Variants in LHPP observed in about 807,000 individuals in gnomAD.
LHPP encodes hLHPP.
A neutral mutation model predicts 30.3 loss-of-function variants in LHPP; 24 were observed. The ratio of observed to expected loss-of-function variants is 0.79; its 90% CI spans 0.57 to 1.11. The LOEUF is 1.11. LHPP is among the 50% of genes most tolerant of loss of function. The probability of loss-of-function intolerance (pLI) is 0.00; values close to 1 mark genes in which losing one functional copy is unlikely to be tolerated. For synonymous variants in LHPP, 150 were observed against 157.1 expected (o/e 0.95, Z 0.34); for missense variants, 356 against 367.2 (o/e 0.97, Z 0.25).
chr10:124,580,331 C>T (rs984696228), intron 6 of LHPP, among the ~76,000 whole-genome samples: 1 of 152,148 alleles, frequency 6.6e-6, no homozygotes, highest in African/African-American at 2.4e-5. Context: ...GAAATTCATC[C>T]CTCTCCTTGT....
At chr10:124,584,870 C>T (rs1036482930) in intron 6 of LHPP, among the ~76,000 whole-genome samples, 13 of 149,988 alleles carry the variant, frequency 8.7e-5, no homozygotes, top group African/African-American at 3.0e-4. Context: ...ACTAACATGA[C>T]AGCAACAGTG....
intron 6 of LHPP, among the ~76,000 whole-genome samples, chr10:124,583,243 C>G (rs1948763620): frequency 6.6e-6 from 1 of 152,004 alleles, no homozygotes; most frequent in African/African-American, 2.4e-5. Flanking sequence ...GTAGATTTAC[C>G]CCTGTGTTTT....
chr10:124,518,192 G>A (rs1954510291), intron 6 of LHPP, among the ~76,000 whole-genome samples: 1 of 152,190 alleles, frequency 6.6e-6, no homozygotes, highest in African/African-American at 2.4e-5. Context: ...CAGGAAGTTG[G>A]TCCCTTCCAG....
intron 1 of LHPP, among the ~76,000 whole-genome samples, chr10:124,470,678 C>CAACAAT (rs1280168728): frequency 8.8e-6 from 1 of 114,266 alleles, no homozygotes; most frequent in Non-Finnish European, 2.0e-5. Context: ...ACAACAACAA[C>CAACAAT]AACAATAATA....
rs116657229 is a variant in LHPP, at chr10:124,528,208, G to A, written c.716+10937G>A. 3.5e-3 allele frequency among the ~76,000 whole-genome samples: 529 copies of A among 152,250 alleles called. 2 individuals carry two copies. The highest frequency in any genetic ancestry group is 0.012 in the African/African-American group (495 of 41,558). ...CTCCCGTATGGCATATTTCCCTAAC[G>A]GTTCCCATTTGGTCTGTCCTGCTAG... On this transcript the variant is annotated intron_variant, in intron 6 of 6. Coordinates refer to ENST00000368842, the MANE Select transcript of LHPP (RefSeq NM_022126.4).
chr10:124,549,366 G>A (rs1330316712), intron 6 of LHPP, among the ~76,000 whole-genome samples: 4 of 151,970 alleles, frequency 2.6e-5, no homozygotes, highest in East Asian at 3.9e-4. Flanking sequence ...TCAGGAGTTC[G>A]AGGTTGCACC....
chr10:124,485,775 A>T (rs1287879593), intron 2 of LHPP, among the ~76,000 whole-genome samples: 4 of 151,894 alleles, frequency 2.6e-5, no homozygotes, highest in African/African-American at 7.3e-5. Context: ...TAATTTTTGT[A>T]TTTTTAGTAG....
chr10:124,557,711 C>G (rs893957010), intron 6 of LHPP, among the ~76,000 whole-genome samples: 1 of 152,124 alleles, frequency 6.6e-6, no homozygotes, highest in East Asian at 1.9e-4. Context: ...TCACTCCCTG[C>G]AGGGCCATTG....
At chr10:124,559,616 G>A (rs1948358467) in intron 6 of LHPP, among the ~76,000 whole-genome samples, 1 of 152,260 alleles carries the variant, frequency 6.6e-6, no homozygotes, top group Non-Finnish European at 1.5e-5. Flanking sequence ...GCAACACTTG[G>A]AAATCCGGCT....
At chr10:124,604,932 C>T (rs538043458) in intron 6 of LHPP, among the ~76,000 whole-genome samples, 119 of 152,356 alleles carry the variant, frequency 7.8e-4, no homozygotes, top group African/African-American at 2.8e-3. Flanking sequence ...GGTGGGCCAC[C>T]GACTGGGAGT....
chr10:124,533,280 G>A (rs1018470122), intron 6 of LHPP, among the ~76,000 whole-genome samples: 2 of 152,244 alleles, frequency 1.3e-5, no homozygotes, highest in Non-Finnish European at 2.9e-5. Context: ...AACTCGCCCA[G>A]GGACCATGTG....
chr10:124,610,618 C>T (rs368545623), intron 6 of LHPP, among the ~76,000 whole-genome samples: 8 of 4,858 alleles, frequency 1.6e-3, no homozygotes, highest in Admixed American at 7.5e-3. Flanking sequence ...ATGGAGCGGG[C>T]GAGGGTGAGG....
chr10:124,469,218 G>T (rs1039929015), intron 1 of LHPP, among the ~76,000 whole-genome samples: 1 of 152,014 alleles, frequency 6.6e-6, no homozygotes, highest in Non-Finnish European at 1.5e-5. Context: ...CTTAGGGTTG[G>T]CAGGGGGAAC....
At chr10:124,587,266 C>T (rs1948816618) in intron 6 of LHPP, among the ~76,000 whole-genome samples, 1 of 151,436 alleles carries the variant, frequency 6.6e-6, no homozygotes, top group East Asian at 2.0e-4. Context: ...AACTCCTGGC[C>T]TCAAGTGATC....
intron 1 of LHPP, among the ~76,000 whole-genome samples, chr10:124,476,712 TGAA>T (rs2133832483): frequency 6.6e-6 from 1 of 152,324 alleles, no homozygotes; most frequent in South Asian, 2.1e-4. Flanking sequence ...ATTTTTCTAT[TGAA>T]AAAACAACTC....
intron 1 of LHPP, among the ~76,000 whole-genome samples, chr10:124,467,586 C>T (rs1362474563): frequency 6.6e-6 from 1 of 150,448 alleles, no homozygotes; most frequent in East Asian, 2.0e-4. Flanking sequence ...GACACAATCA[C>T]GGCTCACTGC....
chr10:124,501,889 C>T (rs2133882382), intron 5 of LHPP, among the ~76,000 whole-genome samples: 1 of 151,984 alleles, frequency 6.6e-6, no homozygotes, highest in Non-Finnish European at 1.5e-5. Flanking sequence ...AGCTCCGTGA[C>T]TTGTGTGTCG....
At chr10:124,595,461 C>T (rs1245994867) in intron 6 of LHPP, among the ~76,000 whole-genome samples, 1 of 152,252 alleles carries the variant, frequency 6.6e-6, no homozygotes, top group Non-Finnish European at 1.5e-5. Context: ...CCTTGGCTGC[C>T]ATAGAAGGCC....
At chr10:124,529,693 G>A (rs1056533584) in intron 6 of LHPP, among the ~76,000 whole-genome samples, 19 of 152,068 alleles carry the variant, frequency 1.2e-4, no homozygotes, top group African/African-American at 2.9e-4. Flanking sequence ...GAGGGGCCAC[G>A]CCCTGCACTC....
Sources: allele counts gnomAD v4.1 joint callset (sites outside exome capture counted in the v4.1 genomes callset), GRCh38; gene constraint gnomAD v4.1.1; transcripts MANE v1.5; gene names NCBI Gene and HGNC (gene_info 2026-07-23, HGNC 2026-07-21).